Variants in PTPRD observed in about 807,000 individuals in gnomAD.
The protein encoded by PTPRD is protein tyrosine phosphatase receptor type D.
In PTPRD, 34 loss-of-function variants were observed where a neutral mutation model predicts 214.5. The ratio of observed to expected loss-of-function variants is 0.16; its 90% CI spans 0.12 to 0.21. The LOEUF is 0.21. PTPRD is among the 10% of genes least tolerant of loss of function. The pLI is 1.00. For synonymous variants in PTPRD, 1,128 were observed against 845.7 expected (o/e 1.33, Z -5.79); for missense variants, 2,545 against 2,398.7 (o/e 1.06, Z -1.27).
chr9:10,140,201 TC>T lies in PTPRD; in HGVS notation c.-544-106412del, dbSNP rs142222419. Among the ~76,000 whole-genome samples the T allele has an allele frequency of 8.1e-3, 1,234 of 151,710 alleles. 18 individuals carry two copies. Among genetic ancestry groups the T allele is most frequent in the African/African-American group, 0.028 (1,175 of 41,394 alleles). ...TATCCAGAATCTATAAACCCCAATA[TC>T]CAGAATCTATAAGAAATGTAAATTA... On this transcript the variant is annotated intron_variant, in intron 3 of 45. Transcript: ENST00000381196.
intron 4 of PTPRD, among the ~76,000 whole-genome samples, chr9:9,983,639 T>C (rs1444357595): frequency 6.6e-6 from 1 of 152,202 alleles, no homozygotes; most frequent in East Asian, 1.9e-4. Flanking sequence ...TTGAATATCA[T>C]GAAATGACAC....
At chr9:8,856,317 A>T (rs1002610447) in intron 11 of PTPRD, among the ~76,000 whole-genome samples, 1 of 152,178 alleles carries the variant, frequency 6.6e-6, no homozygotes, top group Non-Finnish European at 1.5e-5. Context: ...AGAGAAAAAA[A>T]TACTGAAAAT....
chr9:10,361,382 G>A (rs1485669840), intron 2 of PTPRD, among the ~76,000 whole-genome samples: 1 of 152,098 alleles, frequency 6.6e-6, no homozygotes, highest in East Asian at 1.9e-4. Context: ...TTTTCAGAAA[G>A]GGTTTTGTTC....
chr9:8,340,453 T>C lies in PTPRD; in HGVS notation c.5143A>G (p.Ile1715Val), dbSNP rs1851404677. 6.3e-7 allele frequency: 1 copy of C among 1,597,488 alleles called. No homozygotes were observed. Among genetic ancestry groups the C allele is most frequent in the Admixed American group, 1.7e-5 (1 of 59,706 alleles). ...IDGYRQQKAY[I>V]ATQGPLAETT... is the part of the protein sequence containing the mutation. Reference sequence around the variant, plus strand: ...TCTGCCAAGGGCCCCTGGGTAGCGATGTAGGCTTTCTGTTGTCTGAATTAC... The same window carrying C: ...TCTGCCAAGGGCCCCTGGGTAGCGACGTAGGCTTTCTGTTGTCTGAATTAC... Residue 1715 changes from isoleucine to valine, a missense_variant, in exon 42 of 46, where the codon ATC (isoleucine) becomes GTC (valine). Physicochemically the swap from Ile to Val is conservative, Grantham distance 29. Coordinates refer to ENST00000381196, the MANE Select transcript of PTPRD (RefSeq NM_002839.4).
intron 10 of PTPRD, among the ~76,000 whole-genome samples, chr9:9,135,174 G>A (rs2099848928): frequency 6.6e-6 from 1 of 152,166 alleles, no homozygotes; most frequent in Admixed American, 6.5e-5. Context: ...GCCTCAATTT[G>A]CAGAACTGAG....
At chr9:9,719,196 C>A (rs1420348968) in intron 7 of PTPRD, among the ~76,000 whole-genome samples, 1 of 152,160 alleles carries the variant, frequency 6.6e-6, no homozygotes, top group Non-Finnish European at 1.5e-5. Context: ...GACCTGCCTG[C>A]AGATAGGAGC....
chr9:9,312,972 T>C (rs1289965039), intron 9 of PTPRD, among the ~76,000 whole-genome samples: 6 of 152,230 alleles, frequency 3.9e-5, no homozygotes. Flanking sequence ...CCATTACTCA[T>C]GGATTGACAC....
chr9:8,535,402 T>C (rs1335329079), intron 14 of PTPRD, among the ~76,000 whole-genome samples: 1 of 151,942 alleles, frequency 6.6e-6, no homozygotes, highest in Non-Finnish European at 1.5e-5. Context: ...TACCCTCTTT[T>C]CCCTTTGAAC....
chr9:9,715,554 C>CACCTGTTCCAGTAAAACTGAAAAGACAAA (rs1306493899), intron 7 of PTPRD, among the ~76,000 whole-genome samples: 1 of 152,056 alleles, frequency 6.6e-6, no homozygotes, highest in Non-Finnish European at 1.5e-5. Context: ...AGAGAACAAA[C>CACCTGTTCCAGTAAAACTGAAAAGACAAA]ACCTGTTCCA....
At chr9:9,947,340 A>AT (rs1422059616) in intron 4 of PTPRD, among the ~76,000 whole-genome samples, 1 of 55,820 alleles carries the variant, frequency 1.8e-5, no homozygotes, top group Non-Finnish European at 2.7e-5. Context: ...TATGTATTAT[A>AT]TATATAATAT....
chr9:10,060,564 AT>A (rs562250842), intron 3 of PTPRD, among the ~76,000 whole-genome samples: 1 of 151,990 alleles, frequency 6.6e-6, no homozygotes, highest in African/African-American at 2.4e-5. Flanking sequence ...GTGTCAAAGT[AT>A]TTTTTTAATG....
At chr9:8,870,126 TAAA>T (rs5896269) in intron 11 of PTPRD, among the ~76,000 whole-genome samples, 60 of 137,586 alleles carry the variant, frequency 4.4e-4, no homozygotes, top group Admixed American at 7.4e-4. Flanking sequence ...TTCCATCAGT[TAAA>T]AAAAAAAAAA....
At chr9:9,402,765 CATT>C (rs2071215824) in intron 8 of PTPRD, among the ~76,000 whole-genome samples, 1 of 151,240 alleles carries the variant, frequency 6.6e-6, no homozygotes, top group Non-Finnish European at 1.5e-5. Context: ...AGTGGGTACC[CATT>C]TTCAGAAAAA....
chr9:10,031,159 G>A (rs886116198), intron 4 of PTPRD, among the ~76,000 whole-genome samples: 3 of 152,112 alleles, frequency 2.0e-5, no homozygotes, highest in Non-Finnish European at 4.4e-5. Flanking sequence ...CTATGACTTG[G>A]TTAGGCAGAA....
At chr9:9,993,720 AC>A (rs899525995) in intron 4 of PTPRD, among the ~76,000 whole-genome samples, 9 of 152,202 alleles carry the variant, frequency 5.9e-5, no homozygotes, top group Non-Finnish European at 8.8e-5. Context: ...AATACTAATT[AC>A]ATGCGTCTGG....
rs563336452 is a variant in PTPRD at position 8,978,678 on chromosome 9, C to G, written c.-104+40019G>C. Reference sequence around the variant, plus strand: ...CTTCTCCACCTTGGCTTGTGCCAGGCACAAGTATAACCTACATAGCCTTGG... The same window carrying G: ...CTTCTCCACCTTGGCTTGTGCCAGGGACAAGTATAACCTACATAGCCTTGG... On this transcript the variant is annotated intron_variant, in intron 11 of 45. Coordinates refer to ENST00000381196, the MANE Select transcript of PTPRD (RefSeq NM_002839.4). Among the ~76,000 whole-genome samples, 7 of 152,192 alleles carry G rather than the reference C, an allele frequency of 4.6e-5. 1 individual carries two copies. Among genetic ancestry groups the G allele is most frequent in the African/African-American group, 1.7e-4 (7 of 41,534 alleles).
intron 3 of PTPRD, among the ~76,000 whole-genome samples, chr9:10,126,424 TATACACACACACAC>T (rs1029782432): frequency 4.6e-5 from 6 of 130,936 alleles, no homozygotes; most frequent in African/African-American, 8.8e-5. Context: ...CTGTTTTATA[TATACACACACACAC>T]ACACACACAC....
intron 2 of PTPRD, among the ~76,000 whole-genome samples, chr9:10,419,437 G>T (rs947582628): frequency 6.6e-6 from 1 of 151,660 alleles, no homozygotes; most frequent in Admixed American, 6.6e-5. Context: ...TCAAATTATG[G>T]CCATTATAAA....
chr9:8,548,911 G>C (rs1473276007), intron 14 of PTPRD, among the ~76,000 whole-genome samples: 3 of 151,800 alleles, frequency 2.0e-5, no homozygotes, highest in Admixed American at 6.6e-5. Flanking sequence ...GGCTGGTCTT[G>C]GACTCCTGAC....
Sources: allele counts gnomAD v4.1 joint callset (sites outside exome capture counted in the v4.1 genomes callset), GRCh38; gene constraint gnomAD v4.1.1; transcripts MANE v1.5; gene names NCBI Gene and HGNC (gene_info 2026-07-23, HGNC 2026-07-21).